Variants in MAGI1 observed in about 807,000 individuals in gnomAD.
MAGI1 encodes the protein membrane associated guanylate kinase, WW and PDZ domain containing 1, also known as membrane-associated guanylate kinase, WW and PDZ domain-containing protein 1.
In MAGI1, 58 loss-of-function variants were observed where a neutral mutation model predicts 139.9. That is an observed-to-expected ratio of 0.41 (90% CI 0.34 to 0.52). The LOEUF is 0.52. Ranked by LOEUF, MAGI1 falls within the 20% of genes least tolerant of loss-of-function variation. MAGI1 has a pLI of 0.12. For synonymous variants in MAGI1, 812 were observed against 737.9 expected, an observed-to-expected ratio of 1.10 and a Z score of -1.63; for missense variants, 1,874 against 1,901.6, an observed-to-expected ratio of 0.99 and a Z score of 0.27.
chr3:65,655,585 CATG>C (rs2107342780), intron 1 of MAGI1, among the ~76,000 whole-genome samples: 1 of 152,266 alleles, frequency 6.6e-6, no homozygotes, highest in South Asian at 2.1e-4. Flanking sequence ...CATCCATCAC[CATG>C]ATAAGTACAA....
intron 2 of MAGI1, among the ~76,000 whole-genome samples, chr3:65,510,506 T>G (rs1576107702): frequency 6.7e-6 from 1 of 148,898 alleles, no homozygotes; most frequent in South Asian, 2.2e-4. Flanking sequence ...ACGTGAAGAA[T>G]GCAGAAGCCC....
chr3:65,808,523 G>C (rs752162956), intron 1 of MAGI1, among the ~76,000 whole-genome samples: 2 of 152,048 alleles, frequency 1.3e-5, no homozygotes, highest in African/African-American at 2.4e-5. Context: ...TAAAATAAAA[G>C]TAAATAAATA....
intron 1 of MAGI1, among the ~76,000 whole-genome samples, chr3:65,991,939 C>T (rs193085266): frequency 1.3e-4 from 20 of 152,278 alleles, no homozygotes; most frequent in Non-Finnish European, 2.4e-4. Context: ...TGCCTGAACC[C>T]AGGAGGCAGA....
intron 1 of MAGI1, chr3:65,914,015 A>T (rs2061784451): frequency 1.3e-5 from 2 of 152,234 alleles, no homozygotes; most frequent in Admixed American, 6.5e-5. Context: ...AAGAAGGAAG[A>T]AAAGAGGATC....
chr3:65,555,104 C>A (rs1352664381), intron 2 of MAGI1, among the ~76,000 whole-genome samples: 1 of 152,286 alleles, frequency 6.6e-6, no homozygotes, highest in African/African-American at 2.4e-5. Flanking sequence ...ACACGCCATA[C>A]AATTTTTGTA....
chr3:66,024,751 A>G (rs1051116706), intron 1 of MAGI1, among the ~76,000 whole-genome samples: 3 of 152,200 alleles, frequency 2.0e-5, no homozygotes, highest in African/African-American at 7.2e-5. Flanking sequence ...GGTTGCAGTG[A>G]GCCAAGATCG....
chr3:65,450,770 T>C (rs1236294742), intron 6 of MAGI1, among the ~76,000 whole-genome samples: 2 of 152,160 alleles, frequency 1.3e-5, no homozygotes, highest in South Asian at 2.1e-4. Flanking sequence ...ATAGAACATA[T>C]TAAATCTTTA....
chr3:65,570,407 A>G (rs2108066015), intron 2 of MAGI1, among the ~76,000 whole-genome samples: 1 of 139,982 alleles, frequency 7.1e-6, no homozygotes, highest in Admixed American at 7.3e-5. Context: ...TGGCCTTTCT[A>G]CAATACTTCA....
chr3:65,901,862 C>A (rs1288072021), intron 1 of MAGI1, among the ~76,000 whole-genome samples: 1 of 152,174 alleles, frequency 6.6e-6, no homozygotes, highest in Non-Finnish European at 1.5e-5. Context: ...ATAATTAGCA[C>A]TTTTACAAGT....
Sources: allele counts gnomAD v4.1 joint callset (sites outside exome capture counted in the v4.1 genomes callset), GRCh38; gene constraint gnomAD v4.1.1; transcripts MANE v1.5; gene names NCBI Gene and HGNC (gene_info 2026-07-23, HGNC 2026-07-21).